NRXN1: variants seen among roughly 807,000 people sequenced by gnomAD.
NRXN1 encodes the protein neurexin-1.
In NRXN1, 39 loss-of-function variants were observed where a neutral mutation model predicts 150.9. The observed-to-expected ratio is 0.26, with a 90% CI of 0.20 to 0.34. NRXN1 has a LOEUF of 0.34. Among genes scored for constraint, NRXN1 ranks in the 10% least tolerant of loss-of-function variants. The pLI, the probability that NRXN1 is intolerant of heterozygous loss-of-function variation, is 1.00. For synonymous variants in NRXN1, 924 were observed against 757.0 expected (o/e 1.22, Z -3.62); for missense variants, 1,815 against 1,949.9 (o/e 0.93, Z 1.30).
At chr2:50,961,001 T>A (rs1474039960) in intron 2 of NRXN1, among the ~76,000 whole-genome samples, 1 of 151,960 alleles carries the variant, frequency 6.6e-6, no homozygotes, top group Non-Finnish European at 1.5e-5. Context: ...GAGTAGTATA[T>A]AAGTTTTTGT....
At chr2:50,084,293 G>C (rs868469250) in intron 19 of NRXN1, among the ~76,000 whole-genome samples, 1 of 152,164 alleles carries the variant, frequency 6.6e-6, no homozygotes. Flanking sequence ...AGCCCGTGGC[G>C]GGGGGACACT....
rs553471701 is a variant in NRXN1 at position 50,285,664 on chromosome 2, A to G, written c.3365-48694T>C. Reference sequence around the variant, plus strand: ...CTGTTGTATAGATTGTAAAATGGTCAGATGAGAAGTATATATTTTTTAGAT... The same window carrying G: ...CTGTTGTATAGATTGTAAAATGGTCGGATGAGAAGTATATATTTTTTAGAT... On this transcript the variant is annotated intron_variant, in intron 17 of 22. Transcript: ENST00000401669. Among the ~76,000 whole-genome samples, 10 of 152,330 alleles carry G rather than the reference A, an allele frequency of 6.6e-5. No individual in the cohort carries two copies. The South Asian group carries it at 2.1e-3, about 32-fold the overall frequency.
At chr2:50,784,128 T>C (rs1704742805) in intron 5 of NRXN1, among the ~76,000 whole-genome samples, 1 of 152,178 alleles carries the variant, frequency 6.6e-6, no homozygotes, top group African/African-American at 2.4e-5. Context: ...TGGGTATGTA[T>C]GTGTGAGACA....
intron 17 of NRXN1, among the ~76,000 whole-genome samples, chr2:50,375,368 T>A (rs1419077328): frequency 6.6e-6 from 1 of 151,000 alleles, no homozygotes; most frequent in Non-Finnish European, 1.5e-5. Context: ...TACATTTTAT[T>A]TTAATAACTA....
rs116056419 is a variant in NRXN1 at position 49,926,930 on chromosome 2, T to C, written c.4217-4679A>G. Among the ~76,000 whole-genome samples, 1,457 of 152,256 alleles carry C rather than the reference T, an allele frequency of 9.6e-3. 24 individuals carry two copies. Among genetic ancestry groups the C allele is most frequent in the African/African-American group, 0.033 (1,374 of 41,550 alleles). ...TCTTACCAGCTTCTTGCACCCTCTGTTGCTTCCTCCATTCTCCTCTGTATT... is the reference window on the plus strand; with the variant it reads ...TCTTACCAGCTTCTTGCACCCTCTGCTGCTTCCTCCATTCTCCTCTGTATT... On this transcript the variant is annotated intron_variant, in intron 22 of 22. Coordinates refer to ENST00000401669, the MANE Select transcript of NRXN1 (RefSeq NM_001330078.2).
In NRXN1 at chr2:50,538,380, G is replaced by A; in HGVS notation, c.2016C>T (p.Cys672=). ...VQSTAGVKPS[C]SKETAKPCLS... is the part of the protein sequence containing the mutation. The stretch of plus-strand genomic sequence containing the variant: ...GGCACGGTTTTGCTGTTTCCTTTGA[G>A]CAGGAAGGCTTCACTCCAGCAGTAC... Residue 672 remains cysteine (C), a synonymous_variant, in exon 10 of 23, where the codon TGC becomes TGT. Transcript: ENST00000401669. 9 of 1,613,968 alleles carry A rather than the reference G, an allele frequency of 5.6e-6. No individual in the cohort carries two copies. The highest frequency in any genetic ancestry group is 6.8e-6 in the Non-Finnish European group (8 of 1,179,890).
chr2:49,936,841 C>CACACACAT lies in NRXN1; in HGVS notation c.4216+6862_4216+6863insATGTGTGT, dbSNP rs1671131464. ...GTACACACACACACACACACACACA[C>CACACACAT]ATATGAAATACCTTTTGCTTGTGAT... On this transcript the variant is annotated intron_variant, in intron 22 of 22. Transcript: ENST00000401669. Among the ~76,000 whole-genome samples the CACACACAT allele has an allele frequency of 2.0e-5, 3 of 151,676 alleles. No individual in the cohort carries two copies. In the South Asian group the frequency reaches 6.2e-4, roughly 31 times the overall value.
intron 2 of NRXN1, among the ~76,000 whole-genome samples, chr2:51,017,541 G>GTTTTTT (rs1668906434): frequency 1.7e-5 from 1 of 58,412 alleles, no homozygotes; most frequent in Non-Finnish European, 3.5e-5. Flanking sequence ...TTTTTTTTTA[G>GTTTTTT]AAATGAGGTC....
intron 5 of NRXN1, among the ~76,000 whole-genome samples, chr2:50,880,229 C>T (rs928276291): frequency 2.0e-4 from 31 of 152,014 alleles, no homozygotes; most frequent in African/African-American, 7.2e-4. Flanking sequence ...GTATTTAAAA[C>T]TTTATATGTT....
chr2:50,885,820 A>ACACACACACACAC (rs1680145351), intron 5 of NRXN1, among the ~76,000 whole-genome samples: 1 of 143,752 alleles, frequency 7.0e-6, no homozygotes. Context: ...TATTTCTATA[A>ACACACACACACAC]ACACACACAC....
At chr2:50,627,994 T>C (rs547419815) in intron 5 of NRXN1, among the ~76,000 whole-genome samples, 1 of 152,028 alleles carries the variant, frequency 6.6e-6, no homozygotes, top group South Asian at 2.1e-4. Flanking sequence ...TTAGTCTACT[T>C]AGTTTAAAAG....
intron 5 of NRXN1, among the ~76,000 whole-genome samples, chr2:50,699,516 T>C (rs1403903872): frequency 6.6e-6 from 1 of 152,002 alleles, no homozygotes. Flanking sequence ...GGGACTTCAC[T>C]TCCCACTGCT....
chr2:50,510,574 C>A (rs1269983451), intron 12 of NRXN1, among the ~76,000 whole-genome samples: 1 of 147,974 alleles, frequency 6.8e-6, no homozygotes, highest in South Asian at 2.2e-4. Context: ...TAAAAGACAT[C>A]ATTCCTTATG....
At chr2:50,013,843 A>G (rs2152549156) in intron 21 of NRXN1, among the ~76,000 whole-genome samples, 1 of 152,272 alleles carries the variant, frequency 6.6e-6, no homozygotes, top group South Asian at 2.1e-4. Flanking sequence ...GCAAACCTAC[A>G]TGAAAGAGAA....
intron 5 of NRXN1, among the ~76,000 whole-genome samples, chr2:50,855,930 T>C (rs559560646): frequency 6.6e-5 from 10 of 152,038 alleles, no homozygotes; most frequent in African/African-American, 2.2e-4. Context: ...AAAAAGTCCA[T>C]GTTAGAATCT....
intron 21 of NRXN1, among the ~76,000 whole-genome samples, chr2:49,976,275 C>T (rs62134598): frequency 0.16 from 24,927 of 151,310 alleles, 2,643 homozygotes; most frequent in Middle Eastern, 0.24. Flanking sequence ...TCGAGTGATC[C>T]GCCCACCTTG....
At chr2:50,869,012 T>C (rs1234782074) in intron 5 of NRXN1, among the ~76,000 whole-genome samples, 1 of 151,884 alleles carries the variant, frequency 6.6e-6, no homozygotes, top group Non-Finnish European at 1.5e-5. Flanking sequence ...CAAAAGCTGA[T>C]ATTCTTCAGT....
At chr2:50,258,715 T>G (rs2152907699) in intron 17 of NRXN1, among the ~76,000 whole-genome samples, 1 of 152,188 alleles carries the variant, frequency 6.6e-6, no homozygotes, top group South Asian at 2.1e-4. Flanking sequence ...TAGGAATCAC[T>G]ATCTATGGCA....
chr2:50,240,122 T>TA (rs1353621714), intron 17 of NRXN1, among the ~76,000 whole-genome samples: 4 of 151,656 alleles, frequency 2.6e-5, no homozygotes, highest in Admixed American at 2.6e-4. Flanking sequence ...TCAATGAATC[T>TA]AAAACTTGAT....
Sources: gnomAD v4.1 joint callset for allele counts (sites outside exome capture counted in the v4.1 genomes callset) on GRCh38, gnomAD v4.1.1 for gene constraint, MANE v1.5 for transcripts, NCBI Gene and HGNC (gene_info 2026-07-23, HGNC 2026-07-21) for gene names.